The following UGT2A1 variants were observed in gnomAD, a reference collection of about 807,000 sequenced individuals.
UGT2A1 encodes the protein UDP glucuronosyltransferase family 2 member A1 complex locus, also known as UDP-glucuronosyltransferase 2A1.
Under a neutral mutation model 45.4 loss-of-function variants are expected in UGT2A1, and 61 were observed. That is an observed-to-expected ratio of 1.34 (90% CI 1.09 to 1.66). The LOEUF (loss-of-function observed/expected upper bound fraction) is 1.66. Ranked by LOEUF, UGT2A1 falls within the 40% of genes most tolerant of loss-of-function variation. The probability of loss-of-function intolerance (pLI) is 0.00; values close to 1 mark genes in which losing one functional copy is unlikely to be tolerated. For synonymous variants in UGT2A1, 229 were observed against 196.2 expected, an observed-to-expected ratio of 1.17 and a Z score of -1.40; for missense variants, 649 against 574.3, an observed-to-expected ratio of 1.13 and a Z score of -1.33.
At chr4:69,616,060 A>G (rs1196941492) in intron 3 of UGT2A1, among the ~76,000 whole-genome samples, 1 of 152,038 alleles carries the variant, frequency 6.6e-6, no homozygotes, top group Non-Finnish European at 1.5e-5. Flanking sequence ...GTCATTTGCA[A>G]TAACTTGGAT....
Position 69,647,154 on chromosome 4 carries a change from C to G in UGT2A1, c.491G>C (p.Gly164Ala). The G allele has an allele frequency of 1.9e-6, 3 of 1,613,016 alleles. No homozygotes were observed. The highest frequency in any genetic ancestry group is 2.5e-6 in the Non-Finnish European group (3 of 1,179,384). Residue 164 changes from glycine to alanine, a missense_variant, in exon 2 of 7, where the codon GGA (glycine) becomes GCA (alanine). Physicochemically the swap from Gly to Ala is moderately conservative, Grantham distance 60. Transcript: ENST00000286604. Reference protein sequence around the residue: ...PCGDIVALKLGIPFMYSLRFS... With the variant: ...PCGDIVALKLAIPFMYSLRFS... ...CCTCAAGGAGTACATAAATGGAATT[C>G]CAAGTTTTAAAGCTACTATATCGCC...
intron 3 of UGT2A1, among the ~76,000 whole-genome samples, chr4:69,625,738 A>G (rs1217750748): frequency 6.6e-6 from 1 of 151,524 alleles, no homozygotes; most frequent in Non-Finnish European, 1.5e-5. Context: ...AATACAGAGC[A>G]ACTGCTAAAA....
chr4:69,608,400 T>C (rs1577963067), intron 3 of UGT2A1, among the ~76,000 whole-genome samples: 2 of 122,276 alleles, frequency 1.6e-5, no homozygotes, highest in East Asian at 2.9e-4. Context: ...AAGGGGAACA[T>C]CACACACCGG....
intron 2 of UGT2A1, among the ~76,000 whole-genome samples, chr4:69,637,081 C>T (rs1721754381): frequency 6.6e-6 from 1 of 151,980 alleles, no homozygotes; most frequent in Non-Finnish European, 1.5e-5. Context: ...TTTCAAATGT[C>T]TTGAGACATA....
At chr4:69,605,911 T>A (rs1222199630) in intron 3 of UGT2A1, among the ~76,000 whole-genome samples, 1 of 136,824 alleles carries the variant, frequency 7.3e-6, no homozygotes, top group Non-Finnish European at 1.6e-5. Context: ...TAACAGGCTC[T>A]GAAATTGAGG....
At position 69,594,565 on chromosome 4, in the gene UGT2A1, C is replaced by A. The variant is rs746085775; in HGVS notation, c.1216G>T (p.Ala406Ser). Reference protein sequence around the residue: ...DQPDNIAHMKAKGAAVEVNLN... With the variant: ...DQPDNIAHMKSKGAAVEVNLN... ...TTCACTTCCACAGCTGCTCCTTTGG[C>A]CTTCATGTGAGCAATGTTATCAGGC... Residue 406 changes from alanine (A) to serine (S), a missense_variant, in exon 6 of 7, where the codon GCC becomes TCC. Physicochemically the swap from Ala to Ser is moderately conservative, Grantham distance 99. Transcript: ENST00000286604. 1 of 1,613,996 alleles carries A rather than the reference C, an allele frequency of 6.2e-7. No individual in the cohort carries two copies. Among genetic ancestry groups the A allele is most frequent in the African/African-American group, 1.3e-5 (1 of 74,898 alleles).
chr4:69,609,626 G>A (rs926597843), intron 3 of UGT2A1, among the ~76,000 whole-genome samples: 1 of 152,136 alleles, frequency 6.6e-6, no homozygotes, highest in African/African-American at 2.4e-5. Context: ...GTATAAACTA[G>A]TATAATGTCT....
intron 3 of UGT2A1, among the ~76,000 whole-genome samples, chr4:69,632,375 A>G (rs181439529): frequency 6.6e-6 from 1 of 152,264 alleles, no homozygotes; most frequent in Admixed American, 6.5e-5. Context: ...TTTAGTTTAC[A>G]CACAGCACCT....
rs147431006 is a variant in UGT2A1, at chr4:69,634,662, G to T, written c.847+1029C>A. 8.3e-4 allele frequency among the ~76,000 whole-genome samples: 126 copies of T among 152,022 alleles called. 1 individual carries two copies. In the East Asian group the frequency reaches 0.015, roughly 18 times the overall value. On this transcript the variant is annotated intron_variant, in intron 3 of 6. Transcript: ENST00000286604. ...TACCATATTGGCGGAACAAAGAGAA[G>T]AATAATATAATAATTTGAATAGATG...
chr4:69,606,650 C>A lies in UGT2A1; in HGVS notation c.848-7256G>T, dbSNP rs750065021. Among the ~76,000 whole-genome samples the A allele has an allele frequency of 3.6e-4, 49 of 136,810 alleles. 11 individuals are homozygous for A. The highest frequency in any genetic ancestry group is 6.2e-4 in the Non-Finnish European group (40 of 64,310). 89.8% of individuals were successfully genotyped at this position (136,810 alleles called of 152,430 possible). A position where few individuals can be genotyped will look rare whatever the true frequency, so the allele number is the denominator to read the frequency against. On this transcript the variant is annotated intron_variant, in intron 3 of 6. Transcript: ENST00000286604. Reference sequence around the variant, plus strand: ...TCAAATTGTCCCTGTTTGCAGTTGACATGATTGTATATCTAGAAAACACCA... The same window carrying A: ...TCAAATTGTCCCTGTTTGCAGTTGAAATGATTGTATATCTAGAAAACACCA...
At chr4:69,605,735 G>A (rs1719568163) in intron 3 of UGT2A1, among the ~76,000 whole-genome samples, 1 of 136,564 alleles carries the variant, frequency 7.3e-6, no homozygotes, top group Non-Finnish European at 1.6e-5. Flanking sequence ...AAATGATAAA[G>A]GGGATATCAC....
intron 2 of UGT2A1, among the ~76,000 whole-genome samples, chr4:69,640,639 A>T (rs766421904): frequency 2.6e-5 from 4 of 151,930 alleles, no homozygotes; most frequent in Non-Finnish European, 5.9e-5. Context: ...AAAAATTAAG[A>T]TTAGAAAATA....
At chr4:69,631,780 G>A (rs1393022527) in intron 3 of UGT2A1, among the ~76,000 whole-genome samples, 1 of 152,110 alleles carries the variant, frequency 6.6e-6, no homozygotes, top group Non-Finnish European at 1.5e-5. Context: ...ATATTACTAG[G>A]CTCCACTGAT....
chr4:69,592,071 TTTC>T (rs999151265), intron 6 of UGT2A1, among the ~76,000 whole-genome samples: 78 of 152,274 alleles, frequency 5.1e-4, no homozygotes, highest in African/African-American at 1.8e-3. Context: ...GTTGAGTGTC[TTTC>T]TTTTTTGAAA....
intron 3 of UGT2A1, among the ~76,000 whole-genome samples, chr4:69,615,741 C>CA (rs1003509536): frequency 6.6e-5 from 10 of 151,768 alleles, no homozygotes; most frequent in South Asian, 4.2e-4. Flanking sequence ...AACAGACAGA[C>CA]AAAAAAACAG....
At chr4:69,606,956 G>A (rs1203576162) in intron 3 of UGT2A1, among the ~76,000 whole-genome samples, 2 of 136,388 alleles carry the variant, frequency 1.5e-5, no homozygotes, top group African/African-American at 3.0e-5. Context: ...ATGCTCATGG[G>A]TAGGAAGAAT....
At chr4:69,640,126 CAAG>C (rs1457588549) in intron 2 of UGT2A1, among the ~76,000 whole-genome samples, 1 of 151,870 alleles carries the variant, frequency 6.6e-6, no homozygotes, top group African/African-American at 2.4e-5. Flanking sequence ...TGACACAGAT[CAAG>C]AAGATATGGC....
intron 2 of UGT2A1, among the ~76,000 whole-genome samples, chr4:69,646,356 A>C (rs1312610742): frequency 6.6e-6 from 1 of 151,872 alleles, no homozygotes; most frequent in South Asian, 2.1e-4. Flanking sequence ...TCAGGTAAAC[A>C]CCATATCACA....
At chr4:69,633,483 T>C (rs995144143) in intron 3 of UGT2A1, among the ~76,000 whole-genome samples, 2 of 152,126 alleles carry the variant, frequency 1.3e-5, no homozygotes, top group African/African-American at 4.8e-5. Flanking sequence ...TATTCACCAA[T>C]ATTAGGTACA....
Sources: gnomAD v4.1 joint callset for allele counts (sites outside exome capture counted in the v4.1 genomes callset) on GRCh38, gnomAD v4.1.1 for gene constraint, MANE v1.5 for transcripts, NCBI Gene and HGNC (gene_info 2026-07-23, HGNC 2026-07-21) for gene names.